MTHFD2L: variants seen among roughly 807,000 people sequenced by gnomAD.
MTHFD2L encodes methylenetetrahydrofolate dehydrogenase (NADP+ dependent) 2 like.
Under a neutral mutation model 34.9 loss-of-function variants are expected in MTHFD2L, and 29 were observed. The ratio of observed to expected loss-of-function variants is 0.83; its 90% CI spans 0.62 to 1.13. MTHFD2L has a LOEUF of 1.13. MTHFD2L is among the 50% of genes most tolerant of loss of function. MTHFD2L has a pLI of 0.00. For synonymous variants in MTHFD2L, 167 were observed against 155.7 expected, an observed-to-expected ratio of 1.07 and a Z score of -0.54; for missense variants, 481 against 446.5, an observed-to-expected ratio of 1.08 and a Z score of -0.70.
intron 6 of MTHFD2L, among the ~76,000 whole-genome samples, chr4:74,238,018 A>G (rs1262025899): frequency 2.0e-5 from 3 of 152,204 alleles, no homozygotes; most frequent in Non-Finnish European, 4.4e-5. Flanking sequence ...TGTGTTGACT[A>G]TCAGAAAGTG....
At chr4:74,284,120 A>G (rs1382042246) in intron 7 of MTHFD2L, among the ~76,000 whole-genome samples, 1 of 152,186 alleles carries the variant, frequency 6.6e-6, no homozygotes, top group African/African-American at 2.4e-5. Context: ...TTGTTTCATT[A>G]GTAAAGAAAA....
chr4:74,245,229 T>C (rs1464831213), intron 6 of MTHFD2L, among the ~76,000 whole-genome samples: 2 of 148,802 alleles, frequency 1.3e-5, no homozygotes, highest in Non-Finnish European at 3.0e-5. Flanking sequence ...AGAATCCAGC[T>C]GTCTTTCTGT....
At chr4:74,129,734 A>G (rs1387140099) in intron 1 of MTHFD2L, among the ~76,000 whole-genome samples, 1 of 152,168 alleles carries the variant, frequency 6.6e-6, no homozygotes, top group Non-Finnish European at 1.5e-5. Flanking sequence ...AACTAAGATC[A>G]GAATAGAACT....
At position 74,189,485 on chromosome 4, in the gene MTHFD2L, C is replaced by CCTTTTTTTTTTTTTTTTT. The variant is rs1168720652; in HGVS notation, c.452-10309_452-10308insCTTTTTTTTTTTTTTTTT. On this transcript the variant is annotated intron_variant, in intron 3 of 7. Coordinates refer to ENST00000325278, the MANE Select transcript of MTHFD2L (RefSeq NM_001144978.3). ...CATTGAGCAAGCAGTGTTTTTCTTC[C>CCTTTTTTTTTTTTTTTTT]TTTTTTTTTTTTTTTTTTTTTTTTT... Among the ~76,000 whole-genome samples the CCTTTTTTTTTTTTTTTTT allele has an allele frequency of 1.7e-5, 2 of 119,824 alleles. 1 individual carries two copies. Among genetic ancestry groups the CCTTTTTTTTTTTTTTTTT allele is most frequent in the African/African-American group, 8.1e-5 (2 of 24,674 alleles). The allele number at this position is 119,824 out of a possible 152,430, so 78.6% of individuals were successfully genotyped here. A position where few individuals can be genotyped will look rare whatever the true frequency, so the allele number is the denominator to read the frequency against.
intron 6 of MTHFD2L, among the ~76,000 whole-genome samples, chr4:74,256,240 G>T (rs547040611): frequency 6.2e-4 from 94 of 152,168 alleles, no homozygotes; most frequent in African/African-American, 2.2e-3. Flanking sequence ...CTCCTGAGTA[G>T]CTGGGACTAC....
intron 1 of MTHFD2L, chr4:74,162,371 T>C (rs537440571): frequency 1.3e-5 from 2 of 152,282 alleles, no homozygotes; most frequent in African/African-American, 4.8e-5. Context: ...CACTGCATCA[T>C]CTGAACGCTA....
intron 1 of MTHFD2L, among the ~76,000 whole-genome samples, chr4:74,169,017 T>TA (rs1727345941): frequency 6.6e-6 from 1 of 152,198 alleles, no homozygotes; most frequent in Non-Finnish European, 1.5e-5. Context: ...TTTTGCCTCT[T>TA]ACAGTGACTC....
At chr4:74,192,061 G>A (rs1324178557) in intron 3 of MTHFD2L, among the ~76,000 whole-genome samples, 1 of 151,996 alleles carries the variant, frequency 6.6e-6, no homozygotes, top group Admixed American at 6.5e-5. Flanking sequence ...TATTTGTACT[G>A]TGGATCAGTG....
chr4:74,127,252 T>C (rs912392345), intron 1 of MTHFD2L, among the ~76,000 whole-genome samples: 2 of 152,162 alleles, frequency 1.3e-5, no homozygotes, highest in African/African-American at 2.4e-5. Flanking sequence ...ATACTTTTCT[T>C]TGTGCCAGGA....
chr4:74,119,441 G>A (rs1192936789), upstream of MTHFD2L, among the ~76,000 whole-genome samples: 3 of 152,174 alleles, frequency 2.0e-5, no homozygotes, highest in Non-Finnish European at 4.4e-5. Flanking sequence ...AACCAATGAT[G>A]AGACAGCAGA....
chr4:74,258,238 T>A (rs1389859777), intron 6 of MTHFD2L, among the ~76,000 whole-genome samples: 1 of 152,158 alleles, frequency 6.6e-6, no homozygotes, highest in Admixed American at 6.5e-5. Flanking sequence ...GTACGTAGCC[T>A]ATGGAATTGA....
chr4:74,209,000 G>A (rs530934974), intron 5 of MTHFD2L, among the ~76,000 whole-genome samples: 1 of 152,216 alleles, frequency 6.6e-6, no homozygotes, highest in Non-Finnish European at 1.5e-5. Context: ...AGGGGTCATT[G>A]TCTGAGGCTC....
intron 5 of MTHFD2L, among the ~76,000 whole-genome samples, chr4:74,224,367 A>G (rs1279420174): frequency 6.6e-6 from 1 of 152,098 alleles, no homozygotes; most frequent in Non-Finnish European, 1.5e-5. Flanking sequence ...CCTGTATGGT[A>G]TCTACTAATT....
Position 74,175,345 on chromosome 4 carries a change from T to C in MTHFD2L, c.393T>C (p.Thr131=). 6.2e-7 allele frequency: 1 copy of C among 1,613,228 alleles called. No individual in the cohort carries two copies. Among genetic ancestry groups the C allele is most frequent in the Non-Finnish European group, 8.5e-7 (1 of 1,179,360 alleles). ...CTCAGGAAGAACTTTTGGACGTAAC[T>C]GATCAATTGAATATGGACCCAAGAG... ...DVSQEELLDV[T]DQLNMDPRVS... Residue 131 remains threonine (T), a synonymous_variant, in exon 3 of 8, where the codon ACT becomes ACC. Transcript: ENST00000325278.
intron 1 of MTHFD2L, among the ~76,000 whole-genome samples, chr4:74,173,258 T>G (rs777053521): frequency 1.3e-5 from 2 of 152,166 alleles, no homozygotes; most frequent in Admixed American, 1.3e-4. Context: ...AAGTTTGAGG[T>G]CATGGAGAGC....
At chr4:74,271,885 C>T (rs1339997860) in intron 6 of MTHFD2L, among the ~76,000 whole-genome samples, 9 of 152,122 alleles carry the variant, frequency 5.9e-5, no homozygotes, top group South Asian at 2.1e-4. Context: ...AGGTCTTTCA[C>T]ATCCCTTGTA....
chr4:74,281,324 CGTGTGTGTGT>C (rs3832298), intron 6 of MTHFD2L, 91 bp from the exon 7 acceptor site: 3 of 867,556 alleles, frequency 3.5e-6, no homozygotes, highest in South Asian at 1.9e-5. Flanking sequence ...ATTACACATA[CGTGTGTGTGT>C]GTGTGTGTGT....
chr4:74,129,205 A>C (rs534301246), intron 1 of MTHFD2L, among the ~76,000 whole-genome samples: 34 of 151,878 alleles, frequency 2.2e-4, no homozygotes, highest in Non-Finnish European at 4.4e-4. Context: ...TGTTCACAAG[A>C]ATATTCAGGA....
At chr4:74,242,126 A>G (rs1264323189) in intron 6 of MTHFD2L, 2 of 152,144 alleles carry the variant, frequency 1.3e-5, no homozygotes, top group African/African-American at 4.8e-5. Flanking sequence ...ATCTTGTATT[A>G]TTTCTTACAA....
Sources: gnomAD v4.1 joint callset for allele counts (sites outside exome capture counted in the v4.1 genomes callset) on GRCh38, gnomAD v4.1.1 for gene constraint, MANE v1.5 for transcripts, NCBI Gene and HGNC (gene_info 2026-07-23, HGNC 2026-07-21) for gene names.